TCEA3: variants seen among roughly 807,000 people sequenced by gnomAD.
TCEA3 encodes transcription elongation factor A3, also known as transcription elongation factor A protein 3.
A neutral mutation model predicts 44.0 loss-of-function variants in TCEA3; 36 were observed. The ratio of observed to expected loss-of-function variants is 0.82; its 90% CI spans 0.63 to 1.08. TCEA3 has a LOEUF of 1.08. TCEA3 is among the 50% of genes least tolerant of loss of function. The probability of loss-of-function intolerance (pLI) is 0.00; values close to 1 mark genes in which losing one functional copy is unlikely to be tolerated. For missense variants in TCEA3, 392 were observed against 441.2 expected (o/e 0.89, Z 1.00); for synonymous variants, 162 against 159.7 (o/e 1.01, Z -0.11).
intron 1 of TCEA3, among the ~76,000 whole-genome samples, chr1:23,421,512 A>G (rs1640066014): frequency 6.6e-6 from 1 of 152,166 alleles, no homozygotes; most frequent in Admixed American, 6.5e-5. Context: ...GGAAAAAAAA[A>G]AAACTGACCT....
intron 1 of TCEA3, among the ~76,000 whole-genome samples, chr1:23,420,285 A>T (rs564318645): frequency 3.9e-5 from 6 of 152,334 alleles, no homozygotes; most frequent in Non-Finnish European, 7.3e-5. Context: ...TCTGTTGCCC[A>T]GGCTGGAGCG....
intron 5 of TCEA3, among the ~76,000 whole-genome samples, chr1:23,398,283 C>A (rs1639280700): frequency 6.6e-6 from 1 of 152,176 alleles, no homozygotes; most frequent in Admixed American, 6.5e-5. Context: ...TCTTAACCAG[C>A]CACTGTGCGT....
intron 10 of TCEA3, among the ~76,000 whole-genome samples, chr1:23,382,925 C>G (rs1638705265): frequency 6.6e-6 from 1 of 152,168 alleles, no homozygotes; most frequent in African/African-American, 2.4e-5. Flanking sequence ...TGGTTTTTAC[C>G]TTAAAAAATA....
Position 23,397,938 on chromosome 1 carries a change from G to C in TCEA3, c.461C>G (p.Ser154Ter). 1 of 1,613,762 alleles carries C rather than the reference G, an allele frequency of 6.2e-7. No homozygotes were observed. Among genetic ancestry groups the C allele is most frequent in the Non-Finnish European group, 8.5e-7 (1 of 1,179,824 alleles). Reference sequence around the variant, plus strand: ...AGGTGTTTTGGGGCTCTCCGCTTTTGATTTGCTGCTGTTTGATCTGAGGAT... The same window carrying C: ...AGGTGTTTTGGGGCTCTCCGCTTTTCATTTGCTGCTGTTTGATCTGAGGAT... ...PSVERSNSSKSKAESPKTPSS... is the reference protein window; with the variant it reads ...PSVERSNSSK The change falls in exon 6 of 11, where the codon TCA becomes TGA. Residue 154 changes from serine to a stop codon, truncating the protein, a stop_gained. Transcript: ENST00000450454. LOFTEE classifies it high-confidence loss of function.
At position 23,387,368 on chromosome 1, in the gene TCEA3, C is replaced by A. The variant is rs1285093184; in HGVS notation, c.871G>T (p.Ala291Ser). 3 of 1,612,418 alleles carry A rather than the reference C, an allele frequency of 1.9e-6. No individual in the cohort carries two copies. In the Admixed American group the frequency reaches 5.0e-5, roughly 27 times the overall value. The change falls in exon 9 of 11, where the codon GCC becomes TCC. Residue 291 changes from alanine (A) to serine (S), a missense_variant. Ala to Ser is a moderately conservative substitution (Grantham distance 99). Transcript: ENST00000450454. ...TTGGCCATCTGGTGCTCACGGATGG[C>A]CTCCTGGGTCATGGCATTCCTCAAC... ...RELRNAMTQE[A>S]IREHQMAKTG... is the part of the protein sequence containing the mutation.
chr1:23,390,056 A>G (rs1638973713), intron 8 of TCEA3, among the ~76,000 whole-genome samples: 1 of 152,218 alleles, frequency 6.6e-6, no homozygotes, highest in African/African-American at 2.4e-5. Context: ...GGTGCAGGGG[A>G]AAGCAACAGG....
chr1:23,398,065 T>C (rs1426571970), intron 5 of TCEA3, 110 bp from the exon 6 acceptor site: 11 of 1,340,122 alleles, frequency 8.2e-6, no homozygotes, highest in Non-Finnish European at 1.1e-5. Context: ...CATAACAACC[T>C]CATGAGGTAG....
At chr1:23,383,140 T>C (rs1005848068) in intron 10 of TCEA3, among the ~76,000 whole-genome samples, 6 of 151,652 alleles carry the variant, frequency 4.0e-5, no homozygotes, top group Non-Finnish European at 7.4e-5. Flanking sequence ...ATTAGCCGGG[T>C]GTGGTGGCCG....
chr1:23,384,103 T>C (rs900078079), intron 10 of TCEA3: 29 of 1,339,402 alleles, frequency 2.2e-5, no homozygotes, highest in Middle Eastern at 2.8e-4. Context: ...CATCCTGTGA[T>C]AAAATGTGGG....
chr1:23,402,613 G>A (rs557189348), intron 5 of TCEA3, among the ~76,000 whole-genome samples: 83 of 152,282 alleles, frequency 5.5e-4, no homozygotes, highest in African/African-American at 2.0e-3. Flanking sequence ...CTCAGCTGAG[G>A]CTGATGGTCC....
rs778926971 is a variant in TCEA3 at position 23,381,435 on chromosome 1, T to G, written c.*31A>C. The G allele has an allele frequency of 1.3e-6, 1 of 780,240 alleles. No individual in the cohort carries two copies. The highest frequency in any genetic ancestry group is 2.4e-5 in the East Asian group (1 of 41,250). The allele number at this position is 780,240 out of a possible 1,614,324, so 48.3% of individuals were successfully genotyped here. On this transcript the variant is annotated 3_prime_UTR_variant, in exon 11 of 11. Transcript: ENST00000450454. The stretch of plus-strand genomic sequence containing the variant: ...ATAATTCAGCGCTTCCTCTTTCTTC[T>G]TCCTCACCTTGTTCATGGCTGGCTG...
intron 4 of TCEA3, 30 bp downstream of exon 4, chr1:23,417,219 C>T (rs1639917617): frequency 6.2e-7 from 1 of 1,608,566 alleles, no homozygotes; most frequent in African/African-American, 1.3e-5. Context: ...CAAGTGTCAG[C>T]TCCCTTCTCT....
intron 10 of TCEA3, among the ~76,000 whole-genome samples, chr1:23,382,433 T>C (rs1638693804): frequency 6.6e-6 from 1 of 152,116 alleles, no homozygotes; most frequent in African/African-American, 2.4e-5. Context: ...ATACCCAAAA[T>C]AGTAAGAATA....
At chr1:23,416,958 G>T (rs1441032060) in intron 4 of TCEA3, among the ~76,000 whole-genome samples, 1 of 152,216 alleles carries the variant, frequency 6.6e-6, no homozygotes, top group African/African-American at 2.4e-5. Context: ...CTGCCGTGCG[G>T]TCTCCTATGG....
At chr1:23,383,107 G>A (rs573095113) in intron 10 of TCEA3, among the ~76,000 whole-genome samples, 7 of 152,066 alleles carry the variant, frequency 4.6e-5, no homozygotes, top group African/African-American at 1.2e-4. Flanking sequence ...GTGAAACCCC[G>A]TCTCTACTAA....
At chr1:23,384,210 G>A in intron 10 of TCEA3, 136 bp downstream of exon 10, 2 of 1,526,626 alleles carry the variant, frequency 1.3e-6, no homozygotes, top group Non-Finnish European at 1.8e-6. Context: ...ACTATCTCTG[G>A]CTCTGCAGAC....
In TCEA3 at chr1:23,381,236, T is replaced by G. The variant is rs1323824941; in HGVS notation, c.*230A>C. 3.6e-6 allele frequency: 2 copies of G among 561,718 alleles called. No homozygotes were observed. The highest frequency in any genetic ancestry group is 6.1e-5 in the East Asian group (2 of 32,996). 34.8% of individuals were successfully genotyped at this position (561,718 alleles called of 1,614,324 possible). On this transcript the variant is annotated 3_prime_UTR_variant, in exon 11 of 11. Coordinates refer to ENST00000450454, the MANE Select transcript of TCEA3 (RefSeq NM_003196.3). ...AGCCCTCTGCAGTTTCTAAAAGAGG[T>G]TCATCAATACAAATTCTCAGCATCA...
chr1:23,424,236 T>G (rs1640151678), intron 1 of TCEA3, among the ~76,000 whole-genome samples: 1 of 149,694 alleles, frequency 6.7e-6, no homozygotes, highest in Non-Finnish European at 1.5e-5. Flanking sequence ...CCAAAGTCCT[T>G]TCCCACGTCC....
chr1:23,386,543 A>G (rs575107669), intron 9 of TCEA3, among the ~76,000 whole-genome samples: 1 of 149,774 alleles, frequency 6.7e-6, no homozygotes, highest in East Asian at 2.0e-4. Flanking sequence ...GGCCCAGCCT[A>G]GAGAGGTTTT....
Sources: gnomAD v4.1 joint callset for allele counts (sites outside exome capture counted in the v4.1 genomes callset) on GRCh38, gnomAD v4.1.1 for gene constraint, MANE v1.5 for transcripts, NCBI Gene and HGNC (gene_info 2026-07-23, HGNC 2026-07-21) for gene names.